Variants in SH2D4B observed in about 807,000 individuals in gnomAD.
The protein encoded by SH2D4B is SH2 domain containing 4B, also known as SH2 domain-containing protein 4B.
In SH2D4B, 45 loss-of-function variants were observed where a neutral mutation model predicts 61.5. That is an observed-to-expected ratio of 0.73 (90% confidence interval 0.58 to 0.94). SH2D4B has a LOEUF of 0.94. SH2D4B is among the 40% of genes least tolerant of loss of function. SH2D4B has a pLI of 0.00. For missense variants in SH2D4B, 572 were observed against 574.2 expected, an observed-to-expected ratio of 1.00 and a Z score of 0.04; for synonymous variants, 224 against 220.4, an observed-to-expected ratio of 1.02 and a Z score of -0.14.
rs1306464496 is a variant in SH2D4B at position 80,596,401 on chromosome 10, A to C, written c.644-7178A>C. On this transcript the variant is annotated intron_variant, in intron 4 of 7. Coordinates refer to ENST00000646907, the MANE Select transcript of SH2D4B (RefSeq NM_001388272.1). ...CATGAGCCGAGAACAGCCTCATAGC[A>C]GAGCATTGGCATTTCTACTGTGTAC... 2.0e-5 allele frequency among the ~76,000 whole-genome samples: 3 copies of C among 152,242 alleles called. No individual in the cohort carries two copies. In the South Asian group the frequency reaches 6.2e-4, roughly 31 times the overall value.
chr10:80,542,647 C>T (rs1394037019), intron 1 of SH2D4B, among the ~76,000 whole-genome samples: 7 of 152,006 alleles, frequency 4.6e-5, no homozygotes, highest in African/African-American at 1.2e-4. Flanking sequence ...CCGCCCTCCT[C>T]GGCCTCCCAA....
chr10:80,589,000 C>CTTTTTTTTTTTTTT (rs200753787), intron 4 of SH2D4B, among the ~76,000 whole-genome samples: 1 of 147,084 alleles, frequency 6.8e-6, no homozygotes, highest in Non-Finnish European at 1.5e-5. Flanking sequence ...TTTTCTTTTT[C>CTTTTTTTTTTTTTT]TTTTTTTTTT....
At chr10:80,583,487 G>A (rs957462688) in intron 3 of SH2D4B, among the ~76,000 whole-genome samples, 1 of 134,566 alleles carries the variant, frequency 7.4e-6, no homozygotes, top group Admixed American at 7.3e-5. Flanking sequence ...TGACCAACAT[G>A]ATGAAACCCG....
At chr10:80,613,937 A>G (rs1290260058) in intron 6 of SH2D4B, among the ~76,000 whole-genome samples, 1 of 152,152 alleles carries the variant, frequency 6.6e-6, no homozygotes, top group African/African-American at 2.4e-5. Context: ...CAAACAAAAC[A>G]TTGCTGTGTT....
At chr10:80,561,634 C>A (rs921499028) in intron 1 of SH2D4B, among the ~76,000 whole-genome samples, 8 of 152,050 alleles carry the variant, frequency 5.3e-5, no homozygotes, top group African/African-American at 1.9e-4. Flanking sequence ...CTCATATACC[C>A]AGCTTCCTTT....
chr10:80,550,297 G>A (rs1841741283), intron 1 of SH2D4B, among the ~76,000 whole-genome samples: 1 of 152,128 alleles, frequency 6.6e-6, no homozygotes, highest in Admixed American at 6.5e-5. Context: ...GTGCTTGATT[G>A]AAAGACACAT....
Position 80,644,196 on chromosome 10 carries a change from G to A in SH2D4B, c.*111G>A, listed in dbSNP as rs911129251. The A allele has an allele frequency of 1.2e-6, 1 of 813,642 alleles. No individual in the cohort carries two copies. The highest frequency in any genetic ancestry group is 2.3e-5 in the Admixed American group (1 of 43,016). 50.4% of individuals were successfully genotyped at this position (813,642 alleles called of 1,614,324 possible). On this transcript the variant is annotated 3_prime_UTR_variant, in exon 8 of 8. Coordinates refer to ENST00000646907, the MANE Select transcript of SH2D4B (RefSeq NM_001388272.1). ...CTGGAAGATCCACCACTATCCAAAG[G>A]AAAAAGTAGATTAATATGCCTCAAG...
At chr10:80,548,290 G>A (rs377195953) in intron 1 of SH2D4B, among the ~76,000 whole-genome samples, 1 of 152,162 alleles carries the variant, frequency 6.6e-6, no homozygotes, top group African/African-American at 2.4e-5. Context: ...TCAGCCTCCT[G>A]AGTAGCTGGG....
chr10:80,571,639 G>A (rs1842046668), intron 3 of SH2D4B, 61 bp downstream of exon 3: 10 of 1,593,806 alleles, frequency 6.3e-6, no homozygotes, highest in Non-Finnish European at 8.6e-6. Context: ...GACCACTGGG[G>A]CTGACCTCTG....
At chr10:80,561,243 A>G (rs1841899275) in intron 1 of SH2D4B, among the ~76,000 whole-genome samples, 1 of 152,226 alleles carries the variant, frequency 6.6e-6, no homozygotes, top group African/African-American at 2.4e-5. Flanking sequence ...CAACGGATAG[A>G]ATTCATGCCA....
chr10:80,615,477 G>A (rs977660421), intron 6 of SH2D4B, among the ~76,000 whole-genome samples: 1 of 152,150 alleles, frequency 6.6e-6, no homozygotes, highest in African/African-American at 2.4e-5. Flanking sequence ...CTGTATATTC[G>A]GAGAACTTCT....
chr10:80,599,710 C>T (rs1248471469), intron 4 of SH2D4B, among the ~76,000 whole-genome samples: 1 of 152,096 alleles, frequency 6.6e-6, no homozygotes, highest in African/African-American at 2.4e-5. Flanking sequence ...TTCCCTTGGC[C>T]CAAGTTTAGC....
At chr10:80,554,729 G>T (rs1203057947) in intron 1 of SH2D4B, among the ~76,000 whole-genome samples, 1 of 152,122 alleles carries the variant, frequency 6.6e-6, no homozygotes, top group Non-Finnish European at 1.5e-5. Flanking sequence ...CCATAAAATG[G>T]CTGGGCGCGG....
intron 1 of SH2D4B, among the ~76,000 whole-genome samples, 168 bp from the exon 2 acceptor site, chr10:80,569,986 G>T (rs947576238): frequency 6.6e-6 from 1 of 152,160 alleles, no homozygotes; most frequent in African/African-American, 2.4e-5. Context: ...AATAGAGAGT[G>T]GGAGATGGTT....
intron 7 of SH2D4B, among the ~76,000 whole-genome samples, chr10:80,638,980 G>A (rs1416895257): frequency 3.3e-5 from 5 of 152,164 alleles, no homozygotes; most frequent in East Asian, 1.9e-4. Flanking sequence ...ATTCTGGTAC[G>A]TTGTGTCTTT....
At chr10:80,627,068 A>C (rs1386616093) in intron 6 of SH2D4B, among the ~76,000 whole-genome samples, 1 of 152,156 alleles carries the variant, frequency 6.6e-6, no homozygotes, top group East Asian at 1.9e-4. Flanking sequence ...GCTGTGACAT[A>C]AGCGTCTCAC....
chr10:80,602,847 G>T (rs1340519512), intron 4 of SH2D4B, among the ~76,000 whole-genome samples: 3 of 152,150 alleles, frequency 2.0e-5, no homozygotes, highest in Non-Finnish European at 4.4e-5. Flanking sequence ...AGATACACAG[G>T]GTTTTAAATC....
At chr10:80,622,257 A>G (rs1842722599) in intron 6 of SH2D4B, among the ~76,000 whole-genome samples, 1 of 152,018 alleles carries the variant, frequency 6.6e-6, no homozygotes. Flanking sequence ...CTTCACATGT[A>G]TCTGTTGAAA....
intron 7 of SH2D4B, among the ~76,000 whole-genome samples, chr10:80,638,764 G>C (rs1460473652): frequency 6.6e-6 from 1 of 152,024 alleles, no homozygotes; most frequent in African/African-American, 2.4e-5. Flanking sequence ...TTTTTTGAAG[G>C]GTTTTTTGTG....
Sources: allele counts gnomAD v4.1 joint callset (sites outside exome capture counted in the v4.1 genomes callset), GRCh38; gene constraint gnomAD v4.1.1; transcripts MANE v1.5; gene names NCBI Gene and HGNC (gene_info 2026-07-23, HGNC 2026-07-21).